SLC12A1: variants seen among roughly 807,000 people sequenced by gnomAD.
The protein encoded by SLC12A1 is Na-K-2Cl cotransporter.
SLC12A1 carries 89 observed loss-of-function variants against 130.4 expected under a neutral mutation model. That is an observed-to-expected ratio of 0.68 (90% confidence interval 0.58 to 0.81). The LOEUF (loss-of-function observed/expected upper bound fraction) is 0.81, where lower values mean the gene tolerates loss of function less well. Ranked by LOEUF, SLC12A1 falls within the 40% of genes least tolerant of loss-of-function variation. The pLI is 0.00. For synonymous variants in SLC12A1, 499 were observed against 460.0 expected (o/e 1.08, Z -1.09); for missense variants, 1,310 against 1,336.4 (o/e 0.98, Z 0.31).
intron 8 of SLC12A1, among the ~76,000 whole-genome samples, 174 bp from the exon 9 acceptor site, chr15:48,234,703 A>T (rs962006020): frequency 4.6e-5 from 7 of 152,016 alleles, no homozygotes; most frequent in Admixed American, 6.6e-5. Flanking sequence ...CAGTGAGCTG[A>T]GATCGTGCCA....
intron 24 of SLC12A1, among the ~76,000 whole-genome samples, chr15:48,293,375 T>A (rs1197113910): frequency 1.3e-5 from 2 of 152,256 alleles, no homozygotes; most frequent in African/African-American, 4.8e-5. Flanking sequence ...AAATCATATT[T>A]TCTGTTGCAT....
intron 7 of SLC12A1, 139 bp downstream of exon 7, chr15:48,230,642 G>T: frequency 4.6e-6 from 3 of 647,626 alleles, no homozygotes; most frequent in Non-Finnish European, 8.3e-6. Context: ...GTGCTAGGTG[G>T]AACACCAAGC....
rs951765100 is a variant in SLC12A1 at position 48,303,013 on chromosome 15, C to T, written c.*128C>T. ...CTGGAGAGGATCCTACCAGATTCTACATACATTGCATAATTTTTATCAGTT... is the reference window on the plus strand; with the variant it reads ...CTGGAGAGGATCCTACCAGATTCTATATACATTGCATAATTTTTATCAGTT... On this transcript the variant is annotated 3_prime_UTR_variant, in exon 27 of 27. Coordinates refer to ENST00000380993, the MANE Select transcript of SLC12A1 (RefSeq NM_000338.3). The T allele has an allele frequency of 1.9e-5, 12 of 631,722 alleles. No homozygotes were observed. The highest frequency in any genetic ancestry group is 2.2e-5 in the Non-Finnish European group (9 of 401,166). 39.1% of individuals were successfully genotyped at this position (631,722 alleles called of 1,614,324 possible).
At chr15:48,218,942 G>A (rs559009514) in intron 2 of SLC12A1, among the ~76,000 whole-genome samples, 1 of 152,310 alleles carries the variant, frequency 6.6e-6, no homozygotes, top group South Asian at 2.1e-4. Flanking sequence ...CAGAAAAAGA[G>A]CTGTTTCCTG....
In SLC12A1 at chr15:48,246,987, TC is replaced by T; in HGVS notation, c.1534del (p.Val513SerfsTer33). The stretch of plus-strand genomic sequence containing the variant: ...TGCAACACTCTCCTCCGCCCTGGCC[TC>T]CCTTGTCAGCGCACCCAAAGTGTTC... ...FSATLSSALASLVSAPKVFQA... is the reference protein window; with the variant it reads ...FSATLSSALAXLVSAPKVFQA... On this transcript the variant is annotated frameshift_variant, in exon 12 of 27. Transcript: ENST00000380993. LOFTEE classifies it high-confidence loss of function. The T allele has an allele frequency of 6.2e-7, 1 of 1,613,982 alleles. No individual in the cohort carries two copies. The highest frequency in any genetic ancestry group is 2.2e-5 in the East Asian group (1 of 44,890).
rs781599591 is a variant in SLC12A1, at chr15:48,208,078, G to C, written c.359G>C (p.Ser120Thr). Residue 120 changes from serine (S) to threonine (T), a missense_variant, in exon 2 of 27, where the codon AGC (serine) becomes ACC (threonine). Coordinates refer to ENST00000380993, the MANE Select transcript of SLC12A1 (RefSeq NM_000338.3). ...ATAGAGTACTATCGTAACACCGGCAGCATCAGTGGGCCCAAGGTCAACCGA... is the reference window on the plus strand; with the variant it reads ...ATAGAGTACTATCGTAACACCGGCACCATCAGTGGGCCCAAGGTCAACCGA... ...PKIEYYRNTG[S>T]ISGPKVNRPS... 6.2e-7 allele frequency: 1 copy of C among 1,613,030 alleles called. No individual in the cohort carries two copies. Among genetic ancestry groups the C allele is most frequent in the South Asian group, 1.1e-5 (1 of 90,856 alleles).
chr15:48,212,688 G>GA (rs2041068288), intron 2 of SLC12A1, among the ~76,000 whole-genome samples: 2 of 151,968 alleles, frequency 1.3e-5, no homozygotes, highest in African/African-American at 4.8e-5. Context: ...AATTTAAAAG[G>GA]ATTCAAGGAA....
At chr15:48,263,050 G>A (rs1302130049) in intron 17 of SLC12A1, among the ~76,000 whole-genome samples, 1 of 152,074 alleles carries the variant, frequency 6.6e-6, no homozygotes, top group Non-Finnish European at 1.5e-5. Flanking sequence ...AATTCTCTGG[G>A]CACACTATGT....
chr15:48,246,050 C>T (rs768878338), intron 11 of SLC12A1, among the ~76,000 whole-genome samples: 18 of 152,156 alleles, frequency 1.2e-4, no homozygotes, highest in East Asian at 1.9e-4. Context: ...GTAAATTTGT[C>T]GCGAAAGCTT....
chr15:48,275,585 CCAGA>C (rs1197618945), intron 20 of SLC12A1, among the ~76,000 whole-genome samples: 2 of 151,924 alleles, frequency 1.3e-5, no homozygotes, highest in Non-Finnish European at 2.9e-5. Context: ...TAGGAGTTAA[CCAGA>C]CAAAGTTGAG....
At chr15:48,251,498 G>T in intron 14 of SLC12A1, 117 bp from the exon 15 acceptor site, 1 of 786,834 alleles carries the variant, frequency 1.3e-6, no homozygotes. Flanking sequence ...CTGGAACTTG[G>T]CCTAAAAGTT....
chr15:48,242,485 G>T (rs900572543), intron 10 of SLC12A1, among the ~76,000 whole-genome samples: 2 of 152,128 alleles, frequency 1.3e-5, no homozygotes, highest in African/African-American at 4.8e-5. Flanking sequence ...TCTCTAATTT[G>T]AGGAAATTTG....
intron 10 of SLC12A1, among the ~76,000 whole-genome samples, chr15:48,244,546 A>G (rs1006829591): frequency 6.6e-6 from 1 of 152,186 alleles, no homozygotes; most frequent in African/African-American, 2.4e-5. Context: ...TCTAAGTCAC[A>G]CAGGGAGTTG....
chr15:48,233,516 G>C (rs1038579135), intron 8 of SLC12A1, among the ~76,000 whole-genome samples: 2 of 152,170 alleles, frequency 1.3e-5, no homozygotes, highest in Non-Finnish European at 2.9e-5. Context: ...AAAGACTGTA[G>C]GAGTTACTCA....
intron 9 of SLC12A1, among the ~76,000 whole-genome samples, chr15:48,239,567 G>T (rs1347613514): frequency 6.9e-6 from 1 of 143,940 alleles, no homozygotes; most frequent in African/African-American, 2.9e-5. Context: ...TTAGAGTCAT[G>T]ATGGAATCTC....
chr15:48,285,086 A>AT lies in SLC12A1; in HGVS notation c.2486-16dup. On this transcript the variant is annotated intron_variant, in intron 20 of 26. Coordinates refer to ENST00000380993, the MANE Select transcript of SLC12A1 (RefSeq NM_000338.3). ...TTTGTAGTTCTGAGTTAAGTAGGTG[A>AT]TTTTGTCTTCTTTCATCAGAGGAAT... is the stretch of plus-strand genomic sequence containing the variant. The AT allele has an allele frequency of 2.6e-6, 4 of 1,547,364 alleles. No homozygotes were observed. Among genetic ancestry groups the AT allele is most frequent in the Non-Finnish European group, 3.5e-6 (4 of 1,148,088 alleles).
chr15:48,224,324 G>A (rs1038035632), intron 4 of SLC12A1: 13 of 151,996 alleles, frequency 8.6e-5, no homozygotes, highest in African/African-American at 2.9e-4. Context: ...ATTGGCTGGG[G>A]GCCTATAAAT....
intron 9 of SLC12A1, chr15:48,235,288 C>A: frequency 2.5e-6 from 1 of 396,614 alleles, no homozygotes; most frequent in Non-Finnish European, 4.6e-6. Flanking sequence ...GAAAAAAATA[C>A]CAGAACCACC....
chr15:48,260,350 A>AT (rs2041760702), intron 17 of SLC12A1, among the ~76,000 whole-genome samples: 2 of 73,538 alleles, frequency 2.7e-5, no homozygotes, highest in African/African-American at 2.6e-4. Flanking sequence ...TCTCTCTATC[A>AT]CACACACACA....
Sources: gnomAD v4.1 joint callset for allele counts (sites outside exome capture counted in the v4.1 genomes callset) on GRCh38, gnomAD v4.1.1 for gene constraint, MANE v1.5 for transcripts, NCBI Gene and HGNC (gene_info 2026-07-23, HGNC 2026-07-21) for gene names.